GALNTL6: variants seen among roughly 807,000 people sequenced by gnomAD.
GALNTL6 encodes the protein polypeptide N-acetylgalactosaminyltransferase-like 6.
A neutral mutation model predicts 73.7 loss-of-function variants in GALNTL6; 46 were observed. The observed-to-expected ratio is 0.62, with a 90% CI of 0.49 to 0.80. The LOEUF (loss-of-function observed/expected upper bound fraction) is 0.80. GALNTL6 is among the 30% of genes least tolerant of loss of function. The pLI, the probability that GALNTL6 is intolerant of heterozygous loss-of-function variation, is 0.00. For missense variants in GALNTL6, 604 were observed against 755.0 expected (o/e 0.80, Z 2.34); for synonymous variants, 259 against 263.7 (o/e 0.98, Z 0.17).
intron 5 of GALNTL6, among the ~76,000 whole-genome samples, chr4:172,354,895 G>T (rs766976794): frequency 1.2e-4 from 19 of 152,042 alleles, no homozygotes; most frequent in Non-Finnish European, 2.4e-4. Context: ...GTTTATGGTA[G>T]CTTTGTATTG....
intron 2 of GALNTL6, among the ~76,000 whole-genome samples, chr4:172,108,691 T>C (rs1032410099): frequency 6.6e-6 from 1 of 151,912 alleles, no homozygotes; most frequent in African/African-American, 2.4e-5. Context: ...CCATTACAAG[T>C]ATCAGGGGGA....
At chr4:172,258,377 TG>T (rs1560993495) in intron 3 of GALNTL6, among the ~76,000 whole-genome samples, 2 of 151,256 alleles carry the variant, frequency 1.3e-5, no homozygotes, top group Non-Finnish European at 3.0e-5. Context: ...GGTCTAGATA[TG>T]GTTTTATCTG....
intron 2 of GALNTL6, among the ~76,000 whole-genome samples, chr4:172,187,267 G>C (rs942430094): frequency 3.3e-5 from 5 of 151,906 alleles, no homozygotes; most frequent in Non-Finnish European, 5.9e-5. Context: ...ATCTATCAGG[G>C]TAAATGTTTA....
chr4:171,928,121 T>C (rs745360190), intron 2 of GALNTL6, among the ~76,000 whole-genome samples: 1 of 152,228 alleles, frequency 6.6e-6, no homozygotes, highest in Non-Finnish European at 1.5e-5. Flanking sequence ...TTTTTTCAAA[T>C]TATATCTTCA....
At chr4:171,831,982 A>G (rs538424343) in intron 2 of GALNTL6, among the ~76,000 whole-genome samples, 29 of 151,526 alleles carry the variant, frequency 1.9e-4, no homozygotes, top group Non-Finnish European at 3.8e-4. Context: ...CTGTAAGTAT[A>G]TCCAGTTACA....
At chr4:172,604,190 A>T (rs900009977) in intron 5 of GALNTL6, among the ~76,000 whole-genome samples, 1 of 152,168 alleles carries the variant, frequency 6.6e-6, no homozygotes, top group African/African-American at 2.4e-5. Context: ...TCGATGGGAG[A>T]TAGGATACAT....
At chr4:172,184,165 G>A (rs1735347153) in intron 2 of GALNTL6, among the ~76,000 whole-genome samples, 1 of 152,138 alleles carries the variant, frequency 6.6e-6, no homozygotes, top group Non-Finnish European at 1.5e-5. Flanking sequence ...CTGAGAAAAG[G>A]GCTGATATGT....
intron 2 of GALNTL6, among the ~76,000 whole-genome samples, chr4:171,910,544 G>C (rs1490484808): frequency 2.0e-5 from 3 of 150,782 alleles, no homozygotes; most frequent in Non-Finnish European, 4.4e-5. Flanking sequence ...AAAGACCCAA[G>C]TTATAAATGA....
chr4:172,095,724 A>C (rs1732332802), intron 2 of GALNTL6, among the ~76,000 whole-genome samples: 1 of 152,146 alleles, frequency 6.6e-6, no homozygotes, highest in Non-Finnish European at 1.5e-5. Flanking sequence ...GGCTTATTGC[A>C]ATCACTCATG....
intron 5 of GALNTL6, among the ~76,000 whole-genome samples, chr4:172,409,337 A>G (rs1183783035): frequency 1.3e-5 from 2 of 152,056 alleles, no homozygotes; most frequent in Non-Finnish European, 2.9e-5. Flanking sequence ...TAGGGACCCC[A>G]TTATCAATAT....
chr4:171,957,967 C>A (rs1401129241), intron 2 of GALNTL6, among the ~76,000 whole-genome samples: 1 of 152,130 alleles, frequency 6.6e-6, no homozygotes, highest in Non-Finnish European at 1.5e-5. Flanking sequence ...CAAAAGACAG[C>A]ATAAATAATG....
At chr4:172,098,959 A>G (rs1732433762) in intron 2 of GALNTL6, among the ~76,000 whole-genome samples, 1 of 152,102 alleles carries the variant, frequency 6.6e-6, no homozygotes, top group African/African-American at 2.4e-5. Flanking sequence ...AATAATAGAG[A>G]ATGTTATGAC....
At chr4:172,653,178 G>A (rs1194222252) in intron 5 of GALNTL6, among the ~76,000 whole-genome samples, 10 of 149,216 alleles carry the variant, frequency 6.7e-5, no homozygotes, top group South Asian at 2.1e-4. Flanking sequence ...TTTGTCCTTC[G>A]TTGGCTAAAC....
chr4:172,801,645 G>T (rs755146128), intron 5 of GALNTL6, among the ~76,000 whole-genome samples: 3 of 152,156 alleles, frequency 2.0e-5, no homozygotes, highest in Non-Finnish European at 4.4e-5. Flanking sequence ...TCCATAAGGG[G>T]CCATGCCATG....
intron 5 of GALNTL6, among the ~76,000 whole-genome samples, chr4:172,746,064 G>A (rs1461836954): frequency 6.6e-6 from 1 of 151,996 alleles, no homozygotes; most frequent in Non-Finnish European, 1.5e-5. Context: ...AAATTATAAT[G>A]ATAATAATAA....
At chr4:172,971,905 A>G (rs1002920980) in intron 10 of GALNTL6, among the ~76,000 whole-genome samples, 1 of 152,186 alleles carries the variant, frequency 6.6e-6, no homozygotes, top group Non-Finnish European at 1.5e-5. Context: ...ATTCAGATTG[A>G]CTAAAAAGGC....
chr4:172,106,260 T>G (rs1732672142), intron 2 of GALNTL6, among the ~76,000 whole-genome samples: 1 of 152,188 alleles, frequency 6.6e-6, no homozygotes, highest in Admixed American at 6.5e-5. Context: ...GCATACAAAA[T>G]TTTAAGGGTC....
At chr4:172,095,059 G>A (rs60828639) in intron 2 of GALNTL6, among the ~76,000 whole-genome samples, 7,520 of 150,452 alleles carry the variant, frequency 0.05, 587 homozygotes, top group African/African-American at 0.17. Context: ...TTGCTTACTT[G>A]AAATTTTAAC....
Position 172,191,457 on chromosome 4 carries a change from A to G in GALNTL6, c.139-38199A>G, listed in dbSNP as rs190047328. On this transcript the variant is annotated intron_variant, in intron 2 of 12. Coordinates refer to ENST00000506823, the MANE Select transcript of GALNTL6 (RefSeq NM_001034845.3). The stretch of plus-strand genomic sequence containing the variant: ...GGTGGTCATTAGCTCTTTGCTGGGT[A>G]AAGCATTAGACAACTTCCCTTGTCA... 3.9e-5 allele frequency among the ~76,000 whole-genome samples: 6 copies of G among 152,306 alleles called. No individual in the cohort carries two copies. In the East Asian group the frequency reaches 1.2e-3, roughly 29 times the overall value.
Sources: allele counts gnomAD v4.1 joint callset (sites outside exome capture counted in the v4.1 genomes callset), GRCh38; gene constraint gnomAD v4.1.1; transcripts MANE v1.5; gene names NCBI Gene and HGNC (gene_info 2026-07-23, HGNC 2026-07-21).